The following DPT variants were observed in gnomAD, a reference collection of about 807,000 sequenced individuals.
The protein encoded by DPT is tyrosine-rich acidic matrix protein.
DPT carries 21 observed loss-of-function variants against 31.2 expected under a neutral mutation model. That is an observed-to-expected ratio of 0.67 (90% CI 0.48 to 0.97). The LOEUF is 0.97. Ranked by LOEUF, DPT falls within the 50% of genes least tolerant of loss-of-function variation. The pLI, the probability that DPT is intolerant of heterozygous loss-of-function variation, is 0.00. For synonymous variants in DPT, 91 were observed against 86.9 expected, an observed-to-expected ratio of 1.05 and a Z score of -0.26; for missense variants, 262 against 258.8, an observed-to-expected ratio of 1.01 and a Z score of -0.08.
intron 1 of DPT, among the ~76,000 whole-genome samples, chr1:168,725,326 T>TTC (rs974287561): frequency 3.2e-4 from 48 of 149,264 alleles, no homozygotes; most frequent in Non-Finnish European, 5.2e-4. Flanking sequence ...CCTCCCTTCC[T>TTC]TCTCTCTCTC....
chr1:168,709,798 G>T (rs557160636), intron 2 of DPT, among the ~76,000 whole-genome samples: 1 of 152,210 alleles, frequency 6.6e-6, no homozygotes, highest in South Asian at 2.1e-4. Context: ...GTAAGGGAAG[G>T]TTTCAGATAA....
intron 2 of DPT, among the ~76,000 whole-genome samples, chr1:168,710,828 C>G (rs1318752101): frequency 1.3e-5 from 2 of 152,012 alleles, no homozygotes; most frequent in South Asian, 2.1e-4. Flanking sequence ...TTTTTCAGGT[C>G]TCAGCATTCA....
intron 1 of DPT, among the ~76,000 whole-genome samples, chr1:168,719,498 T>G (rs1650051780): frequency 6.6e-6 from 1 of 152,094 alleles, no homozygotes; most frequent in African/African-American, 2.4e-5. Context: ...TGGGTAGCGG[T>G]CAAATGACTA....
intron 2 of DPT, among the ~76,000 whole-genome samples, chr1:168,708,321 C>T (rs1018958559): frequency 6.6e-6 from 1 of 152,090 alleles, no homozygotes; most frequent in Admixed American, 6.5e-5. Flanking sequence ...ATTATGGAAA[C>T]CATTCCAGCA....
At chr1:168,725,846 C>A (rs1281687655) in intron 1 of DPT, among the ~76,000 whole-genome samples, 4 of 152,132 alleles carry the variant, frequency 2.6e-5, no homozygotes, top group African/African-American at 4.8e-5. Context: ...TTAAAATAAA[C>A]CTGAAAGCTA....
At chr1:168,707,088 T>C (rs775057761) in intron 2 of DPT, among the ~76,000 whole-genome samples, 4 of 152,174 alleles carry the variant, frequency 2.6e-5, no homozygotes, top group Non-Finnish European at 4.4e-5. Context: ...AGCATGGGAT[T>C]TGGAGGCAGA....
intron 1 of DPT, among the ~76,000 whole-genome samples, chr1:168,720,702 C>T (rs545833): frequency 0.3 from 45,309 of 151,998 alleles, 7,134 homozygotes; most frequent in East Asian, 0.52. Context: ...TGCCCATGAT[C>T]TAGACAAGTG....
chr1:168,706,682 G>A (rs1649722153), intron 2 of DPT, among the ~76,000 whole-genome samples: 1 of 152,180 alleles, frequency 6.6e-6, no homozygotes, highest in African/African-American at 2.4e-5. Flanking sequence ...TCCTTTTATG[G>A]CATTTTGGGA....
chr1:168,726,301 C>T (rs1022318409), intron 1 of DPT, among the ~76,000 whole-genome samples: 2 of 152,228 alleles, frequency 1.3e-5, no homozygotes, highest in Non-Finnish European at 2.9e-5. Context: ...TCACCTTCTT[C>T]CTCTTTTGCT....
chr1:168,716,320 A>C (rs573651531), intron 1 of DPT, among the ~76,000 whole-genome samples: 4 of 152,118 alleles, frequency 2.6e-5, no homozygotes, highest in Admixed American at 1.3e-4. Flanking sequence ...TGTGAGAAGA[A>C]TTGAGAGATG....
chr1:168,707,039 C>T (rs986058156), intron 2 of DPT, among the ~76,000 whole-genome samples: 1 of 152,176 alleles, frequency 6.6e-6, no homozygotes, highest in Non-Finnish European at 1.5e-5. Context: ...CTGTAGAAGT[C>T]TTATTCCTCA....
chr1:168,702,160 G>C (rs1055130969), intron 2 of DPT, among the ~76,000 whole-genome samples: 1 of 152,118 alleles, frequency 6.6e-6, no homozygotes, highest in African/African-American at 2.4e-5. Flanking sequence ...CCCCAGGGAC[G>C]CTTGGAAAAC....
intron 1 of DPT, among the ~76,000 whole-genome samples, chr1:168,728,384 G>A (rs562219884): frequency 5.9e-5 from 9 of 152,138 alleles, no homozygotes; most frequent in Non-Finnish European, 1.0e-4. Flanking sequence ...CAAACCCTCC[G>A]TGCTGAGAGA....
At chr1:168,702,171 A>T (rs1649613256) in intron 2 of DPT, among the ~76,000 whole-genome samples, 1 of 152,204 alleles carries the variant, frequency 6.6e-6, no homozygotes. Context: ...CTTGGAAAAC[A>T]ACTAGTTTGT....
At chr1:168,709,520 G>A (rs1275770733) in intron 2 of DPT, among the ~76,000 whole-genome samples, 5 of 152,174 alleles carry the variant, frequency 3.3e-5, no homozygotes, top group African/African-American at 1.2e-4. Flanking sequence ...AAGCTGAAAC[G>A]AGAGCAGCAC....
chr1:168,697,997 A>T (rs549323648), intron 3 of DPT, among the ~76,000 whole-genome samples: 1 of 152,316 alleles, frequency 6.6e-6, no homozygotes, highest in Non-Finnish European at 1.5e-5. Context: ...AATTATGCAA[A>T]TCATTCCAAA....
intron 2 of DPT, 99 bp from the exon 3 acceptor site, chr1:168,701,223 T>C (rs903799331): frequency 1.1e-6 from 1 of 905,386 alleles, no homozygotes. Flanking sequence ...AGTTTGAGCA[T>C]CCTGGCAAAT....
In DPT at chr1:168,728,989, G is replaced by C. The variant is rs1457189695; in HGVS notation, c.186C>G (p.Ile62Met). The C allele has an allele frequency of 6.2e-7, 1 of 1,614,200 alleles. No individual in the cohort carries two copies. The highest frequency in any genetic ancestry group is 2.2e-5 in the East Asian group (1 of 44,878). ...TGTCAGAACCTTCCTTCTTGCTGAA[G>C]ATGCTCCTCACGGCCACTATCACCT... is the stretch of plus-strand genomic sequence containing the variant. ...QGQVIVAVRSIFSKKEGSDRQ... is the reference protein window; with the variant it reads ...QGQVIVAVRSMFSKKEGSDRQ... The change falls in exon 1 of 4, where the codon ATC (isoleucine) becomes ATG (methionine). Residue 62 changes from isoleucine (I) to methionine (M), a missense_variant. Coordinates refer to ENST00000367817, the MANE Select transcript of DPT (RefSeq NM_001937.5).
At chr1:168,724,684 A>T (rs115939794) in intron 1 of DPT, among the ~76,000 whole-genome samples, 1 of 152,120 alleles carries the variant, frequency 6.6e-6, no homozygotes, top group Admixed American at 6.5e-5. Flanking sequence ...TGAGTACTCA[A>T]TACTCAGAAC....
Sources: gnomAD v4.1 joint callset for allele counts (sites outside exome capture counted in the v4.1 genomes callset) on GRCh38, gnomAD v4.1.1 for gene constraint, MANE v1.5 for transcripts, NCBI Gene and HGNC (gene_info 2026-07-23, HGNC 2026-07-21) for gene names.